Variants in TCAF1 observed in about 807,000 individuals in gnomAD.
TCAF1 encodes the protein TRPM8 channel associated factor 1, also known as TRPM8 channel-associated factor 1.
TCAF1 carries 4 observed loss-of-function variants against 27.3 expected under a neutral mutation model. The observed-to-expected ratio is 0.15, with a 90% confidence interval of 0.07 to 0.34. The LOEUF (loss-of-function observed/expected upper bound fraction) is 0.34, where lower values mean the gene tolerates loss of function less well. Ranked by LOEUF, TCAF1 falls within the 10% of genes least tolerant of loss-of-function variation. The pLI is 1.00. For missense variants in TCAF1, 257 were observed against 425.8 expected (o/e 0.60, Z 3.49); for synonymous variants, 105 against 167.1 (o/e 0.63, Z 2.87).
At chr7:143,893,510 T>C (rs1468495176) in intron 1 of TCAF1, among the ~76,000 whole-genome samples, 6 of 152,148 alleles carry the variant, frequency 3.9e-5, no homozygotes, top group African/African-American at 1.2e-4. Flanking sequence ...ATAAAACATA[T>C]ACTGGGTATG....
intron 1 of TCAF1, among the ~76,000 whole-genome samples, chr7:143,881,233 T>C (rs1445593668): frequency 3.3e-5 from 5 of 152,242 alleles, no homozygotes; most frequent in African/African-American, 9.6e-5. Flanking sequence ...GGCCAGAGTA[T>C]ACATTTTATT....
chr7:143,896,934 A>G (rs1813893856), intron 1 of TCAF1, among the ~76,000 whole-genome samples: 5 of 151,078 alleles, frequency 3.3e-5, no homozygotes, highest in Admixed American at 3.3e-4. Flanking sequence ...AAAATAGGTA[A>G]AAATTAGAAA....
chr7:143,900,657 G>A (rs1814076477), intron 1 of TCAF1, among the ~76,000 whole-genome samples: 1 of 152,088 alleles, frequency 6.6e-6, no homozygotes, highest in South Asian at 2.1e-4. Context: ...TAAGATAGGA[G>A]GTAACAGGAC....
intron 1 of TCAF1, among the ~76,000 whole-genome samples, chr7:143,894,246 G>A (rs977214445): frequency 2.0e-5 from 3 of 151,744 alleles, no homozygotes; most frequent in Non-Finnish European, 4.4e-5. Flanking sequence ...AAAAAGTTTA[G>A]TCCCAAAAGG....
chr7:143,891,642 TGA>T (rs2116852565), intron 1 of TCAF1, among the ~76,000 whole-genome samples: 1 of 152,004 alleles, frequency 6.6e-6, no homozygotes, highest in South Asian at 2.1e-4. Flanking sequence ...AACAGGATTA[TGA>T]GATAGGGTGA....
chr7:143,896,662 G>T (rs1813881601), intron 1 of TCAF1, among the ~76,000 whole-genome samples: 1 of 151,900 alleles, frequency 6.6e-6, no homozygotes, highest in African/African-American at 2.4e-5. Context: ...ACTTCATATG[G>T]CCAAATGGAA....
At position 143,857,471 on chromosome 7, in the gene TCAF1, C is replaced by T. The variant is rs370091914; in HGVS notation, c.2506-121G>A. Reference sequence around the variant, plus strand: ...TACCCATCAGCTTCACGTCTATCACCGACCTGCTCTCCTCCATTTTGCCTC... The same window carrying T: ...TACCCATCAGCTTCACGTCTATCACTGACCTGCTCTCCTCCATTTTGCCTC... On this transcript the variant is annotated intron_variant, in intron 7 of 8. Coordinates refer to ENST00000479870, the MANE Select transcript of TCAF1 (RefSeq NM_014719.3). The T allele has an allele frequency of 1.5e-3, 1,914 of 1,265,518 alleles. 16 individuals are homozygous for T. The African/African-American group carries it at 0.015, about 10-fold the overall frequency. 78.4% of individuals were successfully genotyped at this position (1,265,518 alleles called of 1,614,324 possible).
intron 1 of TCAF1, among the ~76,000 whole-genome samples, chr7:143,884,749 AG>A (rs926412064): frequency 6.6e-6 from 1 of 150,768 alleles, no homozygotes; most frequent in South Asian, 2.1e-4. Flanking sequence ...TTAGAAAGAA[AG>A]GGGGGTGGAG....
chr7:143,900,258 G>T (rs991305922), intron 1 of TCAF1, among the ~76,000 whole-genome samples: 1 of 152,116 alleles, frequency 6.6e-6, no homozygotes, highest in Non-Finnish European at 1.5e-5. Context: ...CCTTCAGTGT[G>T]AGTTGGGCCT....
chr7:143,852,619 T>C lies in TCAF1; in HGVS notation c.*1514A>G, dbSNP rs1441151402. 2.0e-5 allele frequency: 3 copies of C among 152,538 alleles called. No individual in the cohort carries two copies. The highest frequency in any genetic ancestry group is 7.2e-5 in the African/African-American group (3 of 41,492). The allele number at this position is 152,538 out of a possible 1,614,324, so 9.4% of individuals were successfully genotyped here. A position where few individuals can be genotyped will look rare whatever the true frequency, so the allele number is the denominator to read the frequency against. ...AAATTTTCCTTAAGCTCTGAAGATG[T>C]TGATCCATTGACTTCTGGCATTCAG... is the stretch of plus-strand genomic sequence containing the variant. On this transcript the variant is annotated 3_prime_UTR_variant, in exon 9 of 9. Transcript: ENST00000479870.
intron 1 of TCAF1, among the ~76,000 whole-genome samples, chr7:143,877,800 C>T (rs530216886): frequency 4.0e-4 from 61 of 152,308 alleles, no homozygotes; most frequent in African/African-American, 1.2e-3. Context: ...TCTGTCAGTG[C>T]GGCCCGAGGT....
At position 143,876,478 on chromosome 7, in the gene TCAF1, A is replaced by T; in HGVS notation, c.131T>A (p.Met44Lys). ...GGAGGCAGCAATGAGGACCTGGCCC[A>T]TGTCATTCACCATCACAGGAAATGA... is the stretch of plus-strand genomic sequence containing the variant. Reference protein sequence around the residue: ...EASFPVMVNDMGQVLIAASSY... With the variant: ...EASFPVMVNDKGQVLIAASSY... Residue 44 changes from methionine to lysine, a missense_variant, in exon 2 of 9, where the codon ATG becomes AAG. Met to Lys is a moderately conservative substitution (Grantham distance 95, BLOSUM62 -1). Coordinates refer to ENST00000479870, the MANE Select transcript of TCAF1 (RefSeq NM_014719.3). 2 of 1,599,214 alleles carry T rather than the reference A, an allele frequency of 1.3e-6. No individual in the cohort carries two copies. Among genetic ancestry groups the T allele is most frequent in the Non-Finnish European group, 1.7e-6 (2 of 1,174,010 alleles).
At chr7:143,893,229 A>T (rs1813730532) in intron 1 of TCAF1, among the ~76,000 whole-genome samples, 1 of 152,138 alleles carries the variant, frequency 6.6e-6, no homozygotes, top group South Asian at 2.1e-4. Flanking sequence ...GCAATACAAA[A>T]ATTTTAAATT....
In TCAF1 at chr7:143,884,988, T is replaced by C. The variant is rs1019782019; in HGVS notation, c.-14-8366A>G. The stretch of plus-strand genomic sequence containing the variant: ...CGCAGGCAACCCTTTTTGAAAGACA[T>C]CTACCTCCCTGGACCCAAAACCCAA... On this transcript the variant is annotated intron_variant, in intron 1 of 8. Transcript: ENST00000479870. 8.3e-5 allele frequency: 82 copies of C among 985,290 alleles called. No individual in the cohort carries two copies. The African/African-American group carries it at 1.4e-3, about 17-fold the overall frequency. 61.0% of individuals were successfully genotyped at this position (985,290 alleles called of 1,614,324 possible).
intron 1 of TCAF1, among the ~76,000 whole-genome samples, chr7:143,879,996 C>T (rs995058324): frequency 6.6e-6 from 1 of 152,142 alleles, no homozygotes; most frequent in Non-Finnish European, 1.5e-5. Context: ...TATTTTACAT[C>T]CACCTAGAAG....
At chr7:143,882,661 C>A (rs556544398) in intron 1 of TCAF1, 55 of 985,288 alleles carry the variant, frequency 5.6e-5, no homozygotes, top group South Asian at 9.4e-5. Flanking sequence ...GCCCTCCCCC[C>A]CGCAGCACCC....
At chr7:143,878,132 G>A (rs1812820362) in intron 1 of TCAF1, among the ~76,000 whole-genome samples, 1 of 151,988 alleles carries the variant, frequency 6.6e-6, no homozygotes, top group African/African-American at 2.4e-5. Context: ...GAGGATTAAG[G>A]GAAATAACAT....
chr7:143,875,921 C>T (rs111459600), intron 2 of TCAF1, 68 bp downstream of exon 2: 14 of 1,418,346 alleles, frequency 9.9e-6, no homozygotes, highest in Middle Eastern at 1.9e-4. Flanking sequence ...CTTGGAGCAA[C>T]CTGAAGATAA....
chr7:143,890,661 C>T (rs985741432), intron 1 of TCAF1, among the ~76,000 whole-genome samples: 5 of 152,114 alleles, frequency 3.3e-5, no homozygotes, highest in African/African-American at 1.2e-4. Context: ...TTTTTACTTT[C>T]GGGCATTTTT....
Sources: allele counts gnomAD v4.1 joint callset (sites outside exome capture counted in the v4.1 genomes callset), GRCh38; gene constraint gnomAD v4.1.1; transcripts MANE v1.5; gene names NCBI Gene and HGNC (gene_info 2026-07-23, HGNC 2026-07-21).